Variants in FANCG observed in about 807,000 individuals in gnomAD.
FANCG encodes Fanconi anemia group G protein.
Under a neutral mutation model 73.3 loss-of-function variants are expected in FANCG, and 67 were observed. The ratio of observed to expected loss-of-function variants is 0.91; its 90% CI spans 0.75 to 1.12. FANCG has a LOEUF of 1.12. FANCG is among the 50% of genes most tolerant of loss of function. The pLI is 0.00. For missense variants in FANCG, 643 were observed against 735.6 expected, an observed-to-expected ratio of 0.87 and a Z score of 1.46; for synonymous variants, 297 against 311.6, an observed-to-expected ratio of 0.95 and a Z score of 0.49.
At position 35,075,734 on chromosome 9, in the gene FANCG, A is replaced by T; in HGVS notation, c.1164T>A (p.Pro388=). The T allele has an allele frequency of 1.7e-6, 1 of 603,114 alleles. No individual in the cohort carries two copies. The highest frequency in any genetic ancestry group is 2.9e-6 in the Non-Finnish European group (1 of 339,338). The allele number at this position is 603,114 out of a possible 1,614,324, so 37.4% of individuals were successfully genotyped here. A position where few individuals can be genotyped will look rare whatever the true frequency, so the allele number is the denominator to read the frequency against. The part of the protein sequence containing the change: ...SEPRFSPPPS[P]PGPCMPEVFL... ...ACACCTCAGGCATACAGGGCCCTGG[A>T]GGGGAGGGGGGTGGGGAGAACTGGA... The change falls in exon 10 of 14, where the codon CCT becomes CCA. Residue 388 remains proline, a synonymous_variant. Transcript: ENST00000378643.
At position 35,079,761 on chromosome 9, in the gene FANCG, T is replaced by G; in HGVS notation, c.-237A>C. On this transcript the variant is annotated 5_prime_UTR_variant, in exon 1 of 14. Transcript: ENST00000378643. The stretch of plus-strand genomic sequence containing the variant: ...CTCTGGTTGGCCGGGTCTGCGAAGC[T>G]CTGGGCTGCGGTTGGTCCTCTTGAA... 1.7e-6 allele frequency: 1 copy of G among 582,042 alleles called. No homozygotes were observed. The highest frequency in any genetic ancestry group is 2.9e-5 in the East Asian group (1 of 34,400). The allele number at this position is 582,042 out of a possible 1,614,324, so 36.1% of individuals were successfully genotyped here. A position where few individuals can be genotyped will look rare whatever the true frequency, so the allele number is the denominator to read the frequency against.
Position 35,076,446 on chromosome 9 carries a change from G to A in FANCG, c.1062C>T (p.Cys354=), listed in dbSNP as rs745928033. ...GGGAACCTCACCTCCCCGTCTGTAG[G>A]CACCTGCTTGCTAGTATGTGCTTGG... ...SQTKHILASR[C]LQTGRAGDAA... is the part of the protein sequence containing the mutation. Residue 354 remains cysteine, a synonymous_variant, in exon 8 of 14, where the codon TGC becomes TGT. Transcript: ENST00000378643. 12 of 1,613,958 alleles carry A rather than the reference G, an allele frequency of 7.4e-6. No homozygotes were observed. The African/African-American group carries it at 1.2e-4, about 16-fold the overall frequency.
In FANCG at chr9:35,077,119, G is replaced by A. The variant is rs761883212; in HGVS notation, c.647-18C>T. ...CTGGAGACCTGAGGACAGTCAGGGT[G>A]TGAGCTTGGAGAGGGCTATAGAGCA... On this transcript the variant is annotated intron_variant, in intron 5 of 13. Transcript: ENST00000378643. 3 of 1,614,194 alleles carry A rather than the reference G, an allele frequency of 1.9e-6. No individual in the cohort carries two copies. The Admixed American group carries it at 5.0e-5, about 27-fold the overall frequency.
At chr9:35,078,553 T>C in intron 3 of FANCG, 52 bp downstream of exon 3, 1 of 1,613,616 alleles carries the variant, frequency 6.2e-7, no homozygotes, top group Non-Finnish European at 8.5e-7. Context: ...TGCAATAACT[T>C]AAACCCAGAC....
chr9:35,075,896 T>G (rs757925967), intron 9 of FANCG, 66 bp downstream of exon 9: 71 of 1,582,814 alleles, frequency 4.5e-5, no homozygotes, highest in Non-Finnish European at 5.9e-5. Context: ...ATTGCAGTCT[T>G]GCTGTATTTC....
In FANCG at chr9:35,074,200, G is replaced by C. The variant is rs746613103; in HGVS notation, c.1777C>G (p.Leu593Val). The C allele has an allele frequency of 6.2e-7, 1 of 1,614,162 alleles. No homozygotes were observed. The highest frequency in any genetic ancestry group is 8.5e-7 in the Non-Finnish European group (1 of 1,179,986). ...EDALWSLPLY[L>V]ESYLSWIRPS... Reference sequence around the variant, plus strand: ...CGGATCCAGCTCAAATAGCTTTCTAGGTACAGGGGGAGAGACCTGGAGAGA... The same window carrying C: ...CGGATCCAGCTCAAATAGCTTTCTACGTACAGGGGGAGAGACCTGGAGAGA... The change falls in exon 14 of 14, where the codon CTA (leucine) becomes GTA (valine). Residue 593 changes from leucine (L) to valine (V), a missense_variant. By Grantham distance (32) the Leu-to-Val change is conservative (BLOSUM62 1). Transcript: ENST00000378643.
In FANCG at chr9:35,079,254, G is replaced by C. The variant is rs369622013; in HGVS notation, c.85-13C>G. ...AGTTCTGAGCCACCTGCCACATGAG[G>C]GAGGGGTTGTCACTGAGGATCAATC... On this transcript the variant is annotated splice_polypyrimidine_tract_variant and intron_variant, in intron 1 of 13. Coordinates refer to ENST00000378643, the MANE Select transcript of FANCG (RefSeq NM_004629.2). 3 of 1,604,306 alleles carry C rather than the reference G, an allele frequency of 1.9e-6. No individual in the cohort carries two copies. The highest frequency in any genetic ancestry group is 1.3e-5 in the African/African-American group (1 of 74,662).
At chr9:35,079,089 G>C in intron 2 of FANCG, 62 bp downstream of exon 2, 1 of 1,399,604 alleles carries the variant, frequency 7.1e-7, no homozygotes, top group Admixed American at 1.9e-5. Flanking sequence ...AAAAACGCAG[G>C]AGCGGATGTT....
chr9:35,079,525 G>A lies in FANCG; in HGVS notation c.-1C>T, dbSNP rs587777946. The A allele has an allele frequency of 3.2e-5, 52 of 1,613,908 alleles. No individual in the cohort carries two copies. The Admixed American group carries it at 5.8e-4, about 18-fold the overall frequency. On this transcript the variant is annotated 5_prime_UTR_variant, in exon 1 of 14. Transcript: ENST00000378643. ...CCACAGAGGTGGTCTGGCGGGACAT[G>A]GTGGCCGAGGCTGGGCCCGGAGACC...
chr9:35,077,208 C>T, intron 5 of FANCG, 56 bp downstream of exon 5: 1 of 1,613,954 alleles, frequency 6.2e-7, no homozygotes, highest in Non-Finnish European at 8.5e-7. Context: ...AGAGAGAGGG[C>T]ATGAGTCTGG....
In FANCG at chr9:35,073,959, AG is replaced by A; in HGVS notation, c.*148del. 1 of 719,516 alleles carries A rather than the reference AG, an allele frequency of 1.4e-6. No individual in the cohort carries two copies. The highest frequency in any genetic ancestry group is 2.5e-6 in the Non-Finnish European group (1 of 399,544). 44.6% of individuals were successfully genotyped at this position (719,516 alleles called of 1,614,324 possible). A position where few individuals can be genotyped will look rare whatever the true frequency, so the allele number is the denominator to read the frequency against. On this transcript the variant is annotated 3_prime_UTR_variant, in exon 14 of 14. Transcript: ENST00000378643. ...CTCCAAAACGAGAATGGTAGTAACT[AG>A]GGCAAATTTCACAGGCCTACCACCA...
Position 35,076,794 on chromosome 9 carries a change from T to C in FANCG, c.854A>G (p.Glu285Gly). Residue 285 changes from glutamate to glycine, a missense_variant, in exon 7 of 14, where the codon GAG (glutamate) becomes GGG (glycine). Physicochemically the swap from Glu to Gly is moderately conservative, Grantham distance 98 (BLOSUM62 -2). Transcript: ENST00000378643. The stretch of plus-strand genomic sequence containing the variant: ...CAGTTGCTGATAGAGCCTAGAGGCC[T>C]CCAGAAGTGGAGGACCCCAGGCTGA... ...EGSAWGPPLL[E>G]ASRLYQQLGD... 5 of 1,614,154 alleles carry C rather than the reference T, an allele frequency of 3.1e-6. No homozygotes were observed. Among genetic ancestry groups the C allele is most frequent in the Non-Finnish European group, 4.2e-6 (5 of 1,180,034 alleles).
rs545987119 is a variant in FANCG, at chr9:35,078,897, G to A, written c.176-161C>T. Among the ~76,000 whole-genome samples, 12 of 152,236 alleles carry A rather than the reference G, an allele frequency of 7.9e-5. No homozygotes were observed. The East Asian group carries it at 2.3e-3, about 29-fold the overall frequency. On this transcript the variant is annotated intron_variant, in intron 2 of 13. Transcript: ENST00000378643. Reference sequence around the variant, plus strand: ...ATTTAAAAAAAGAACCCAACCTTTGGACAGAGAGTCTGGAAAGGGCAAAAA... The same window carrying A: ...ATTTAAAAAAAGAACCCAACCTTTGAACAGAGAGTCTGGAAAGGGCAAAAA...
Position 35,076,880 on chromosome 9 carries a change from TAGG to T in FANCG, c.778-13_778-11del, listed in dbSNP as rs2131056154. On this transcript the variant is annotated splice_polypyrimidine_tract_variant and intron_variant, in intron 6 of 13. Coordinates refer to ENST00000378643, the MANE Select transcript of FANCG (RefSeq NM_004629.2). ...CTCTCTGTGGATTTCCCTAAAGGGA[TAGG>T]AGGACACGGGCCTCAGCTACCCTTA... is the stretch of plus-strand genomic sequence containing the variant. The T allele has an allele frequency of 6.2e-7, 1 of 1,614,178 alleles. No homozygotes were observed. The highest frequency in any genetic ancestry group is 8.5e-7 in the Non-Finnish European group (1 of 1,180,028).
At chr9:35,076,688 T>A (rs768793395) in intron 7 of FANCG, 36 bp downstream of exon 7, 1 of 1,614,144 alleles carries the variant, frequency 6.2e-7, no homozygotes, top group Middle Eastern at 1.6e-4. Context: ...ACCTCAGGAA[T>A]CCTCCACCCC....
At position 35,079,855 on chromosome 9, in the gene FANCG, G is replaced by C. The variant is rs1829150797; in HGVS notation, c.-331C>G. The C allele has an allele frequency of 4.4e-6, 2 of 451,794 alleles. No homozygotes were observed. The highest frequency in any genetic ancestry group is 6.8e-5 in the Admixed American group (2 of 29,212). 28.0% of individuals were successfully genotyped at this position (451,794 alleles called of 1,614,324 possible). ...ACCCCAAACAGGCTTAGGCGGGCTA[G>C]AAGCCGGGGTCGTGTCTGACTGGGG... is the stretch of plus-strand genomic sequence containing the variant. On this transcript the variant is annotated 5_prime_UTR_variant, in exon 1 of 14. Transcript: ENST00000378643.
intron 6 of FANCG, 29 bp from the exon 7 acceptor site, chr9:35,076,899 G>T: frequency 6.2e-7 from 1 of 1,614,200 alleles, no homozygotes; most frequent in Middle Eastern, 1.6e-4. Flanking sequence ...ACGGGCCTCA[G>T]CTACCCTTAC....
rs17882757 is a variant in FANCG, at chr9:35,075,348, G to A, written c.1434-23C>T. 1,162 of 1,613,982 alleles carry A rather than the reference G, an allele frequency of 7.2e-4. 6 individuals are homozygous for A. Among genetic ancestry groups the A allele is most frequent in the South Asian group, 4.5e-3 (414 of 91,064 alleles). On this transcript the variant is annotated intron_variant, in intron 10 of 13. Transcript: ENST00000378643. The stretch of plus-strand genomic sequence containing the variant: ...CACCTGAAGTAGGACACAGAACAGG[G>A]GTGAAGAGGAATCAATTTCAGAAAC...
Position 35,078,617 on chromosome 9 carries a change from T to C in FANCG, c.295A>G (p.Ser99Gly). Residue 99 changes from serine to glycine, a missense_variant, in exon 3 of 14, where the codon AGC becomes GGC. Physicochemically the swap from Ser to Gly is moderately conservative, Grantham distance 56 (BLOSUM62 0). Transcript: ENST00000378643. ...CTCTGGCCCTCACCTCTCTCTAGGC[T>C]CCGCTGGATATCCTGGGCCTGATCC... is the stretch of plus-strand genomic sequence containing the variant. The part of the protein sequence containing the change: ...TEDQAQDIQR[S>G]LERVLETQEQ... The C allele has an allele frequency of 6.2e-7, 1 of 1,614,102 alleles. No homozygotes were observed. The highest frequency in any genetic ancestry group is 8.5e-7 in the Non-Finnish European group (1 of 1,180,010).
Sources: allele counts gnomAD v4.1 joint callset (sites outside exome capture counted in the v4.1 genomes callset), GRCh38; gene constraint gnomAD v4.1.1; transcripts MANE v1.5; gene names NCBI Gene and HGNC (gene_info 2026-07-23, HGNC 2026-07-21).